The following STAC variants were observed in gnomAD, a reference collection of about 807,000 sequenced individuals.
The protein encoded by STAC is SH3 and cysteine-rich domain-containing protein.
A neutral mutation model predicts 48.8 loss-of-function variants in STAC; 43 were observed. The ratio of observed to expected loss-of-function variants is 0.88; its 90% CI spans 0.69 to 1.14. The LOEUF is 1.14. STAC is among the 50% of genes most tolerant of loss of function. STAC has a pLI of 0.00. For synonymous variants in STAC, 193 were observed against 179.5 expected, an observed-to-expected ratio of 1.07 and a Z score of -0.60; for missense variants, 497 against 504.0, an observed-to-expected ratio of 0.99 and a Z score of 0.13.
intron 2 of STAC, among the ~76,000 whole-genome samples, chr3:36,468,954 C>A (rs921678486): frequency 2.0e-5 from 3 of 151,840 alleles, no homozygotes; most frequent in Non-Finnish European, 2.9e-5. Flanking sequence ...CTTTTTCCAC[C>A]CCTTTACCTT....
intron 2 of STAC, among the ~76,000 whole-genome samples, chr3:36,456,618 T>C (rs1456156764): frequency 6.6e-6 from 1 of 152,146 alleles, no homozygotes; most frequent in African/African-American, 2.4e-5. Context: ...GCTGCCCAGA[T>C]GCCTTCTTGG....
chr3:36,435,859 A>G (rs749564175), intron 1 of STAC, among the ~76,000 whole-genome samples: 17 of 152,180 alleles, frequency 1.1e-4, no homozygotes, highest in Non-Finnish European at 2.2e-4. Context: ...AGCTTCTAAC[A>G]CACTCCTCTC....
At chr3:36,544,590 G>GTA (rs1433573274) in intron 10 of STAC, among the ~76,000 whole-genome samples, 1 of 152,026 alleles carries the variant, frequency 6.6e-6, no homozygotes, top group Non-Finnish European at 1.5e-5. Context: ...TGCTCCCTTT[G>GTA]TATCACCTAG....
Position 36,514,204 on chromosome 3 carries a change from C to CTTTTTTTTT in STAC, c.920+8393_920+8401dup, listed in dbSNP as rs765548085. 1.8e-3 allele frequency among the ~76,000 whole-genome samples: 64 copies of CTTTTTTTTT among 36,436 alleles called. 15 individuals are homozygous for CTTTTTTTTT. The highest frequency in any genetic ancestry group is 5.8e-3 in the African/African-American group (57 of 9,844). The allele number at this position is 36,436 out of a possible 152,430, so 23.9% of individuals were successfully genotyped here. On this transcript the variant is annotated intron_variant, in intron 8 of 10. Coordinates refer to ENST00000273183, the MANE Select transcript of STAC (RefSeq NM_003149.3). ...TCTCTGATCCATCTACACTGGCCTTCTTTTTTTTTTTTTTTTTTTTTTTTT... is the reference window on the plus strand; with the variant it reads ...TCTCTGATCCATCTACACTGGCCTTCTTTTTTTTTTTTTTTTTTTTTTTTTTTTTTTTTT...
chr3:36,509,719 C>T (rs1575250083), intron 8 of STAC, among the ~76,000 whole-genome samples: 1 of 151,914 alleles, frequency 6.6e-6, no homozygotes, highest in Non-Finnish European at 1.5e-5. Context: ...AAAGGATTCT[C>T]TATTTAATAA....
chr3:36,405,354 G>A (rs1700070407), intron 1 of STAC, among the ~76,000 whole-genome samples: 2 of 152,166 alleles, frequency 1.3e-5, no homozygotes, highest in African/African-American at 4.8e-5. Flanking sequence ...ATGCTCCCTT[G>A]TATTATGAGG....
At chr3:36,398,400 A>C in intron 1 of STAC, among the ~76,000 whole-genome samples, 1 of 139,310 alleles carries the variant, frequency 7.2e-6, no homozygotes. Context: ...AAGAGAGGTA[A>C]AGAGAAAGAG....
In STAC at chr3:36,509,127, C is replaced by G. The variant is rs116085131; in HGVS notation, c.920+3293C>G. On this transcript the variant is annotated intron_variant, in intron 8 of 10. Transcript: ENST00000273183. Reference sequence around the variant, plus strand: ...GGCATGCCTGGTGGTGACAGAGTCTCTCAGCATTTGCTTGTCAGTAAAGGA... The same window carrying G: ...GGCATGCCTGGTGGTGACAGAGTCTGTCAGCATTTGCTTGTCAGTAAAGGA... Among the ~76,000 whole-genome samples the G allele has an allele frequency of 5.2e-3, 795 of 152,240 alleles. 7 individuals are homozygous for G. The highest frequency in any genetic ancestry group is 0.018 in the African/African-American group (760 of 41,534).
chr3:36,516,498 A>AT (rs963009960), intron 8 of STAC, among the ~76,000 whole-genome samples: 1 of 151,814 alleles, frequency 6.6e-6, no homozygotes, highest in African/African-American at 2.4e-5. Context: ...AACTTCCTTT[A>AT]TTTTTTTTCA....
chr3:36,392,662 C>G (rs769927239), intron 1 of STAC, among the ~76,000 whole-genome samples: 1 of 152,144 alleles, frequency 6.6e-6, no homozygotes, highest in South Asian at 2.1e-4. Context: ...GCCCCATGCC[C>G]GGCCCCTGCA....
intron 1 of STAC, among the ~76,000 whole-genome samples, chr3:36,434,604 T>C (rs994060496): frequency 2.6e-4 from 40 of 152,310 alleles, no homozygotes; most frequent in Admixed American, 1.4e-3. Context: ...TGAGTTGATA[T>C]GGTGACTGTG....
At chr3:36,469,341 T>TAAAACTTGCTG (rs1697262455) in intron 2 of STAC, among the ~76,000 whole-genome samples, 2 of 152,188 alleles carry the variant, frequency 1.3e-5, no homozygotes, top group Non-Finnish European at 2.9e-5. Context: ...CCTTCATTTA[T>TAAAACTTGCTG]GAAGCTTAGT....
chr3:36,403,139 T>C (rs929610768), intron 1 of STAC, among the ~76,000 whole-genome samples: 3 of 152,226 alleles, frequency 2.0e-5, no homozygotes, highest in African/African-American at 7.2e-5. Context: ...AATCAATGCC[T>C]AGGAATGAAT....
At position 36,411,673 on chromosome 3, in the gene STAC, G is replaced by C. The variant is rs912749270; in HGVS notation, c.111+30919G>C. Among the ~76,000 whole-genome samples, 23 of 152,356 alleles carry C rather than the reference G, an allele frequency of 1.5e-4. 1 individual carries two copies. The highest frequency in any genetic ancestry group is 6.5e-4 in the Admixed American group (10 of 15,310). ...GATGAGGTCTTCAAGAGACAATGATGAGAGGTCCCCAGGTTGTAGGTCCCC... is the reference window on the plus strand; with the variant it reads ...GATGAGGTCTTCAAGAGACAATGATCAGAGGTCCCCAGGTTGTAGGTCCCC... On this transcript the variant is annotated intron_variant, in intron 1 of 10. Coordinates refer to ENST00000273183, the MANE Select transcript of STAC (RefSeq NM_003149.3).
intron 1 of STAC, among the ~76,000 whole-genome samples, chr3:36,401,137 T>G (rs545081016): frequency 6.6e-6 from 1 of 152,206 alleles, no homozygotes; most frequent in Non-Finnish European, 1.5e-5. Flanking sequence ...AATGTACCTA[T>G]GTTTACATTT....
chr3:36,484,676 T>C (rs1188839655), intron 3 of STAC, among the ~76,000 whole-genome samples: 1 of 152,124 alleles, frequency 6.6e-6, no homozygotes, highest in African/African-American at 2.4e-5. Context: ...CAGGAGGCAA[T>C]GAGGATCTGG....
intron 2 of STAC, among the ~76,000 whole-genome samples, chr3:36,459,967 C>A (rs1696963237): frequency 6.6e-6 from 1 of 152,096 alleles, no homozygotes; most frequent in Non-Finnish European, 1.5e-5. Context: ...TAATAGCTAA[C>A]TTCAAAGAAC....
At chr3:36,488,769 T>C (rs1317169418) in intron 5 of STAC, among the ~76,000 whole-genome samples, 1 of 152,194 alleles carries the variant, frequency 6.6e-6, no homozygotes, top group Non-Finnish European at 1.5e-5. Context: ...CCTAGATTAT[T>C]ATAAAGAAAT....
chr3:36,469,009 A>G (rs1049698668), intron 2 of STAC, among the ~76,000 whole-genome samples: 2 of 152,112 alleles, frequency 1.3e-5, no homozygotes, highest in Non-Finnish European at 2.9e-5. Flanking sequence ...TCCTGAAGAC[A>G]GCAGAAACTT....
Sources: gnomAD v4.1 joint callset for allele counts (sites outside exome capture counted in the v4.1 genomes callset) on GRCh38, gnomAD v4.1.1 for gene constraint, MANE v1.5 for transcripts, NCBI Gene and HGNC (gene_info 2026-07-23, HGNC 2026-07-21) for gene names.